Variants in DAB1 observed in about 807,000 individuals in gnomAD.
DAB1 encodes the protein disabled homolog 1.
A neutral mutation model predicts 64.6 loss-of-function variants in DAB1; 15 were observed. The ratio of observed to expected loss-of-function variants is 0.23; its 90% CI spans 0.16 to 0.36. The LOEUF is 0.36. Ranked by LOEUF, DAB1 falls within the 10% of genes least tolerant of loss-of-function variation. The pLI is 1.00. For synonymous variants in DAB1, 235 were observed against 251.9 expected (o/e 0.93, Z 0.64); for missense variants, 596 against 706.7 (o/e 0.84, Z 1.78).
intron 5 of DAB1, among the ~76,000 whole-genome samples, chr1:58,144,455 T>C (rs780966449): frequency 5.3e-5 from 8 of 152,230 alleles, no homozygotes; most frequent in Non-Finnish European, 8.8e-5. Flanking sequence ...CATTAATCAG[T>C]ATGGTCATTA....
rs927248606 is a variant in DAB1 at position 57,554,153 on chromosome 1, C to A, written n.625+95439G>T. Among the ~76,000 whole-genome samples the A allele has an allele frequency of 6.6e-5, 10 of 152,298 alleles. No individual in the cohort carries two copies. In the East Asian group the frequency reaches 1.7e-3, roughly 27 times the overall value. ...AGACAACAGAAGAAGGGATAGAGAG[C>A]AGGAAGGCCTCCAATAGGGAAAATA... On this transcript the variant is annotated intron_variant and non_coding_transcript_variant, in intron 7 of 20. Coordinates refer to the DAB1 transcript ENST00000485760.
At chr1:58,197,683 C>T (rs1657761565) in intron 4 of DAB1, among the ~76,000 whole-genome samples, 1 of 148,604 alleles carries the variant, frequency 6.7e-6, no homozygotes, top group Admixed American at 6.8e-5. Context: ...CATGAGCCAC[C>T]ATGCCCAGCG....
chr1:58,401,707 C>T (rs111768105), intron 3 of DAB1, among the ~76,000 whole-genome samples: 14 of 152,326 alleles, frequency 9.2e-5, no homozygotes, highest in African/African-American at 3.1e-4. Flanking sequence ...GAATGAATAA[C>T]TAGAACAAAA....
At chr1:57,593,582 T>C (rs1645471384) in intron 7 of DAB1, among the ~76,000 whole-genome samples, 1 of 152,238 alleles carries the variant, frequency 6.6e-6, no homozygotes, top group South Asian at 2.1e-4. Flanking sequence ...TAGTATACTT[T>C]ACATATATGC....
rs180808886 is a variant in DAB1 at position 58,182,796 on chromosome 1, G to A, written n.310-32208C>T. Among the ~76,000 whole-genome samples the A allele has an allele frequency of 3.5e-4, 53 of 151,970 alleles. No individual in the cohort carries two copies. The Middle Eastern group carries it at 0.01, about 29-fold the overall frequency. ...TTCTGCGAAGTCCAAATCTGTACCC[G>A]TCAAATATAGTATGTTTTAACTACT... On this transcript the variant is annotated intron_variant and non_coding_transcript_variant, in intron 4 of 20. Transcript: ENST00000485760.
At position 57,556,959 on chromosome 1, in the gene DAB1, G is replaced by T. The variant is rs138151245; in HGVS notation, n.625+92633C>A. On this transcript the variant is annotated intron_variant and non_coding_transcript_variant, in intron 7 of 20. Coordinates refer to the DAB1 transcript ENST00000485760. ...TCTTGAGTTGATTTTTTTGTATAAG[G>T]TGAGAGACACGTGGCATGCCAATTA... Among the ~76,000 whole-genome samples, 200 of 152,160 alleles carry T rather than the reference G, an allele frequency of 1.3e-3. 2 individuals are homozygous for T. The highest frequency in any genetic ancestry group is 4.5e-3 in the African/African-American group (186 of 41,524).
intron 7 of DAB1, among the ~76,000 whole-genome samples, chr1:57,636,297 C>T (rs1461447859): frequency 6.6e-6 from 1 of 152,108 alleles, no homozygotes; most frequent in East Asian, 1.9e-4. Context: ...TCTTGAACCT[C>T]TTGCTTCCAG....
chr1:57,741,831 T>C (rs1029143223), intron 6 of DAB1, among the ~76,000 whole-genome samples: 4 of 152,204 alleles, frequency 2.6e-5, no homozygotes, highest in African/African-American at 9.7e-5. Context: ...AGGACCTCAG[T>C]TGAACTCCTT....
At chr1:58,387,835 T>C (rs1644446492) in intron 3 of DAB1, among the ~76,000 whole-genome samples, 1 of 149,738 alleles carries the variant, frequency 6.7e-6, no homozygotes, top group Admixed American at 6.7e-5. Flanking sequence ...TATGCCATTC[T>C]CCTGCCTCAG....
chr1:57,138,437 T>G (rs1396904632), intron 3 of DAB1, among the ~76,000 whole-genome samples: 2 of 152,066 alleles, frequency 1.3e-5, no homozygotes, highest in East Asian at 3.9e-4. Flanking sequence ...GGAGCCTAAG[T>G]CTCTCTCCCT....
chr1:57,222,488 G>A (rs756530215), intron 2 of DAB1, among the ~76,000 whole-genome samples: 9 of 152,188 alleles, frequency 5.9e-5, no homozygotes, highest in Non-Finnish European at 1.3e-4. Context: ...GGTGGAAGGA[G>A]CTTTGAGTAA....
At position 57,016,769 on chromosome 1, in the gene DAB1, TG is replaced by T. The variant is rs1646447121; in HGVS notation, c.896-1339del. Among the ~76,000 whole-genome samples the T allele has an allele frequency of 2.0e-5, 3 of 152,304 alleles. No individual in the cohort carries two copies. The South Asian group carries it at 6.2e-4, about 32-fold the overall frequency. ...TTTCAACAGGAGCACAAGCAACACT[TG>T]TTATAATAATAATAGTAACATAGTA... On this transcript the variant is annotated intron_variant, in intron 11 of 14. Transcript: ENST00000371236.
chr1:57,393,705 A>T (rs754273781), intron 1 of DAB1, among the ~76,000 whole-genome samples: 16 of 152,020 alleles, frequency 1.1e-4, no homozygotes, highest in Non-Finnish European at 1.9e-4. Context: ...GAAAACTACC[A>T]CCGGTGGGCC....
intron 1 of DAB1, among the ~76,000 whole-genome samples, chr1:58,527,793 G>A (rs988158694): frequency 6.6e-6 from 1 of 152,250 alleles, no homozygotes; most frequent in African/African-American, 2.4e-5. Flanking sequence ...ATAGCAGAAT[G>A]CTCTTTCTTT....
chr1:57,126,546 G>A (rs761333931), intron 4 of DAB1, among the ~76,000 whole-genome samples: 6 of 152,132 alleles, frequency 3.9e-5, no homozygotes, highest in Non-Finnish European at 8.8e-5. Flanking sequence ...TGTTCTCATA[G>A]TCCAAAGGAG....
chr1:57,070,852 G>A, intron 7 of DAB1, 171 bp downstream of exon 7: 2 of 672,392 alleles, frequency 3.0e-6, no homozygotes, highest in Non-Finnish European at 2.7e-6. Flanking sequence ...ACTTCTGTTA[G>A]TTTTTATGGA....
At chr1:57,555,185 C>A (rs1479060684) in intron 7 of DAB1, among the ~76,000 whole-genome samples, 1 of 151,614 alleles carries the variant, frequency 6.6e-6, no homozygotes, top group Non-Finnish European at 1.5e-5. Context: ...CAGGCACGTG[C>A]CCCCACACCC....
At chr1:58,333,579 G>A (rs1366749406) in intron 4 of DAB1, among the ~76,000 whole-genome samples, 1 of 152,210 alleles carries the variant, frequency 6.6e-6, no homozygotes, top group African/African-American at 2.4e-5. Context: ...CTAATTTCTT[G>A]CTCACCAGGG....
At position 57,197,275 on chromosome 1, in the gene DAB1, T is replaced by C. The variant is rs12038931; in HGVS notation, c.68-51846A>G. Among the ~76,000 whole-genome samples, 4 of 149,592 alleles carry C rather than the reference T, an allele frequency of 2.7e-5. No individual in the cohort carries two copies. In the East Asian group the frequency reaches 5.9e-4, roughly 22 times the overall value. ...ACAAGAATCGCTTGAACCCAGGAGG[T>C]AGAGGTTGCTATAAGGCAAAATAGT... On this transcript the variant is annotated intron_variant, in intron 2 of 14. Transcript: ENST00000371236.
Sources: gnomAD v4.1 joint callset for allele counts (sites outside exome capture counted in the v4.1 genomes callset) on GRCh38, gnomAD v4.1.1 for gene constraint, MANE v1.5 for transcripts, NCBI Gene and HGNC (gene_info 2026-07-23, HGNC 2026-07-21) for gene names.